STS: variants seen among roughly 807,000 people sequenced by gnomAD.
The protein encoded by STS is steryl-sulfatase.
A neutral mutation model predicts 26.8 loss-of-function variants in STS; 7 were observed. The observed-to-expected ratio is 0.26, with a 90% confidence interval of 0.15 to 0.49. The LOEUF (loss-of-function observed/expected upper bound fraction) is 0.49. STS is among the 20% of genes least tolerant of loss of function. STS has a pLI of 0.98. For missense variants in STS, 434 were observed against 465.6 expected, an observed-to-expected ratio of 0.93 and a Z score of 0.63; for synonymous variants, 199 against 189.4, an observed-to-expected ratio of 1.05 and a Z score of -0.42.
chrX:7,156,557 C>T (rs1313705991), intron 1 of STS, among the ~76,000 whole-genome samples: 1 of 111,401 alleles, frequency 9.0e-6, no homozygotes, highest in Non-Finnish European at 1.9e-5. Flanking sequence ...TTTCCTAGGG[C>T]CATTTAAACC....
At chrX:7,301,291 C>T (rs1294546224) in intron 7 of STS, among the ~76,000 whole-genome samples, 3 of 109,638 alleles carry the variant, frequency 2.7e-5, no homozygotes, top group Non-Finnish European at 5.7e-5. Flanking sequence ...ACTTAGGAGG[C>T]TGAGGTGGGA....
chrX:7,314,416 C>T (rs926360904), intron 8 of STS, among the ~76,000 whole-genome samples: 3 of 111,734 alleles, frequency 2.7e-5, no homozygotes, highest in South Asian at 3.8e-4. Context: ...GTATCATGTC[C>T]GGGCATTGAG....
At chrX:7,279,405 G>C (rs1924741718) in intron 7 of STS, among the ~76,000 whole-genome samples, 6 of 40,575 alleles carry the variant, frequency 1.5e-4, no homozygotes, top group Non-Finnish European at 2.1e-4. Flanking sequence ...ATATATATGT[G>C]TGTGTGTCTG....
intron 2 of STS, among the ~76,000 whole-genome samples, chrX:7,203,853 T>C (rs1601648516): frequency 9.0e-6 from 1 of 111,455 alleles, no homozygotes; most frequent in East Asian, 2.8e-4. Context: ...GGCACAGTCA[T>C]AGCTCATTGT....
rs770829945 is a variant in STS at position 7,162,333 on chromosome X, T to C, written c.-134+14250T>C. The stretch of plus-strand genomic sequence containing the variant: ...GAAGGAAAACAAGCAGTATAAATAC[T>C]GCAAGTACCAATGTCAATAATAATT... On this transcript the variant is annotated intron_variant, in intron 1 of 10. Transcript: ENST00000674429. 2.7e-5 allele frequency among the ~76,000 whole-genome samples: 3 copies of C among 111,513 alleles called. No individual in the cohort carries two copies. The South Asian group carries it at 1.2e-3, about 43-fold the overall frequency.
intron 8 of STS, among the ~76,000 whole-genome samples, chrX:7,308,408 G>T (rs1926316408): frequency 8.9e-6 from 1 of 111,772 alleles, no homozygotes; most frequent in South Asian, 3.7e-4. Flanking sequence ...GGCAGGGAGA[G>T]GGGACCCCTG....
intron 10 of STS, among the ~76,000 whole-genome samples, chrX:7,335,385 T>G (rs759966938): frequency 2.7e-5 from 3 of 112,705 alleles, no homozygotes; most frequent in Non-Finnish European, 5.6e-5. Flanking sequence ...TTTATGTGTC[T>G]GTTGGCTGCA....
At chrX:7,319,089 A>G (rs1474508776) in intron 8 of STS, among the ~76,000 whole-genome samples, 1 of 111,836 alleles carries the variant, frequency 8.9e-6, no homozygotes, top group East Asian at 2.8e-4. Context: ...GGAATAGATC[A>G]CTGGCACTTG....
chrX:7,212,614 AATAG>A (rs1425719298), intron 2 of STS, among the ~76,000 whole-genome samples: 1 of 112,283 alleles, frequency 8.9e-6, no homozygotes, highest in Non-Finnish European at 1.9e-5. Flanking sequence ...ACTCCTTTTA[AATAG>A]ATAGCTCATC....
At chrX:7,206,804 C>T (rs958944699) in intron 2 of STS, among the ~76,000 whole-genome samples, 6 of 112,324 alleles carry the variant, frequency 5.3e-5, no homozygotes, top group African/African-American at 1.6e-4. Context: ...TACATCATCT[C>T]GATCCAATGG....
intron 2 of STS, among the ~76,000 whole-genome samples, chrX:7,209,051 C>T (rs969731295): frequency 8.9e-6 from 1 of 111,883 alleles, no homozygotes; most frequent in Non-Finnish European, 1.9e-5. Context: ...CAAGATCCTT[C>T]ATGGCACTTG....
At chrX:7,340,222 A>G (rs1368018430) in intron 10 of STS, among the ~76,000 whole-genome samples, 1 of 110,393 alleles carries the variant, frequency 9.1e-6, no homozygotes, top group Non-Finnish European at 1.9e-5. Flanking sequence ...TTTCTACAGT[A>G]TTTTACACAT....
intron 2 of STS, among the ~76,000 whole-genome samples, chrX:7,227,853 GC>G (rs1490638054): frequency 1.8e-5 from 2 of 111,290 alleles, no homozygotes; most frequent in African/African-American, 6.5e-5. Context: ...TTTTATGCCT[GC>G]TGACTCATAA....
At chrX:7,236,655 A>C (rs1350781874) in intron 2 of STS, among the ~76,000 whole-genome samples, 1 of 88,693 alleles carries the variant, frequency 1.1e-5, no homozygotes, top group Non-Finnish European at 2.4e-5. Flanking sequence ...TTTTAAAGCT[A>C]ACTTATTTAT....
chrX:7,205,291 T>C lies in STS; in HGVS notation c.-5+14283T>C, dbSNP rs139505458. On this transcript the variant is annotated intron_variant, in intron 2 of 10. Coordinates refer to ENST00000674429, the MANE Select transcript of STS (RefSeq NM_001320752.2). ...AAGAGAAAGAATGGGAATGTAATTA[T>C]TGCAATTATTATTCATCACGTTTTG... Among the ~76,000 whole-genome samples the C allele has an allele frequency of 8.7e-4, 98 of 112,284 alleles. 2 individuals carry two copies. In the East Asian group the frequency reaches 0.024, roughly 27 times the overall value.
intron 10 of STS, among the ~76,000 whole-genome samples, chrX:7,349,316 CTTTTTTTTTTTTTTT>C (rs1178578773): frequency 2.3e-4 from 12 of 52,887 alleles, no homozygotes; most frequent in Admixed American, 5.8e-4. Context: ...CATTTAATTC[CTTTTTTTTTTTTTTT>C]TTTTTTTTTT....
At chrX:7,246,915 A>G (rs1326458580) in intron 2 of STS, among the ~76,000 whole-genome samples, 4 of 113,237 alleles carry the variant, frequency 3.5e-5, no homozygotes, top group Non-Finnish European at 7.5e-5. Flanking sequence ...TTCACTTCAG[A>G]CTTTGTATAG....
intron 9 of STS, among the ~76,000 whole-genome samples, chrX:7,333,653 T>C (rs1927869509): frequency 1.8e-5 from 2 of 112,521 alleles, no homozygotes. Context: ...AGAGGAAGAA[T>C]AAGGGTATGA....
At chrX:7,177,467 GTATA>G (rs1221044175) in intron 1 of STS, among the ~76,000 whole-genome samples, 1 of 103,222 alleles carries the variant, frequency 9.7e-6, no homozygotes, top group East Asian at 2.9e-4. Flanking sequence ...TATTATATAT[GTATA>G]TATATATATT....
Sources: gnomAD v4.1 joint callset for allele counts (sites outside exome capture counted in the v4.1 genomes callset) on GRCh38, gnomAD v4.1.1 for gene constraint, MANE v1.5 for transcripts, NCBI Gene and HGNC (gene_info 2026-07-23, HGNC 2026-07-21) for gene names.